The following TRMT44 variants were observed in gnomAD, a reference collection of about 807,000 sequenced individuals.
The protein encoded by TRMT44 is tRNA methyltransferase 44 homolog, also known as probable tRNA (uracil-O(2)-)-methyltransferase.
TRMT44 carries 78 observed loss-of-function variants against 77.3 expected under a neutral mutation model. The observed-to-expected ratio is 1.01, with a 90% CI of 0.84 to 1.22. The LOEUF is 1.22. Among genes scored for constraint, TRMT44 ranks in the 50% most tolerant of loss-of-function variants. The pLI, the probability that TRMT44 is intolerant of heterozygous loss-of-function variation, is 0.00. For synonymous variants in TRMT44, 391 were observed against 383.3 expected (o/e 1.02, Z -0.23); for missense variants, 1,090 against 964.4 (o/e 1.13, Z -1.73).
rs139886813 is a variant in TRMT44, at chr4:8,445,814, G to GT, written c.620-661dup. ...GTTGTGCATATTTGGCCTGTGAAGT[G>GT]TATATTCCTCTTTAACAGAGTTTGC... On this transcript the variant is annotated intron_variant, in intron 1 of 10. Coordinates refer to ENST00000389737, the MANE Select transcript of TRMT44 (RefSeq NM_152544.3). Among the ~76,000 whole-genome samples, 455 of 152,284 alleles carry GT rather than the reference G, an allele frequency of 3.0e-3. 2 individuals carry two copies. Among genetic ancestry groups the GT allele is most frequent in the South Asian group, 0.016 (76 of 4,820 alleles).
chr4:8,472,033 C>G (rs1368716211), intron 10 of TRMT44, among the ~76,000 whole-genome samples: 1 of 145,226 alleles, frequency 6.9e-6, no homozygotes, highest in African/African-American at 2.6e-5. Context: ...TTTCCTCTTT[C>G]TGTAAGTATT....
chr4:8,460,472 C>T (rs58250358), intron 6 of TRMT44, among the ~76,000 whole-genome samples: 10,124 of 152,154 alleles, frequency 0.067, 657 homozygotes, highest in African/African-American at 0.17. Flanking sequence ...TATTTTGAAA[C>T]AAATCTCAGG....
intron 6 of TRMT44, among the ~76,000 whole-genome samples, chr4:8,459,203 C>T (rs1726000984): frequency 6.6e-6 from 1 of 152,102 alleles, no homozygotes; most frequent in Non-Finnish European, 1.5e-5. Context: ...ACTCTGTCTC[C>T]AAAAGTTATA....
chr4:8,493,792 C>A (rs62287433), downstream of TRMT44, among the ~76,000 whole-genome samples: 4,163 of 152,056 alleles, frequency 0.027, 71 homozygotes, highest in South Asian at 0.04. Flanking sequence ...TCGCTTTGTC[C>A]TTGCTCATCA....
intron 1 of TRMT44, 44 bp downstream of exon 1, chr4:8,441,485 G>A (rs1390406187): frequency 1.4e-6 from 2 of 1,441,794 alleles, no homozygotes; most frequent in African/African-American, 1.4e-5. Context: ...AGATAAAAAA[G>A]CATTCATAGA....
At chr4:8,464,346 G>C (rs904841842) in intron 7 of TRMT44, among the ~76,000 whole-genome samples, 4 of 152,142 alleles carry the variant, frequency 2.6e-5, no homozygotes, top group African/African-American at 9.7e-5. Flanking sequence ...TTATATCTCT[G>C]TTGGCCAGCA....
At chr4:8,450,646 T>TG (rs34928606) in intron 3 of TRMT44, among the ~76,000 whole-genome samples, 2 of 152,172 alleles carry the variant, frequency 1.3e-5, no homozygotes, top group African/African-American at 4.8e-5. Context: ...GACCCCGAAT[T>TG]GGGGGCGGGT....
At chr4:8,450,792 G>GTTTTTTTTTTTT (rs59875098) in intron 3 of TRMT44, among the ~76,000 whole-genome samples, 1 of 96,674 alleles carries the variant, frequency 1.0e-5, no homozygotes, top group Admixed American at 1.3e-4. Flanking sequence ...TCATTTCCAT[G>GTTTTTTTTTTTT]TTTTTTTTTT....
Position 8,446,735 on chromosome 4 carries a change from C to A in TRMT44, c.734+145C>A. ...AGGAATGCAGTTGCTAGCTTATGTG[C>A]CCAGGCCATGTTGCTCTTCCTGTTG... On this transcript the variant is annotated intron_variant, in intron 2 of 10. Transcript: ENST00000389737. The surrounding 1 kb of genome is among the most constrained non-coding windows in gnomAD (Gnocchi z 4.3). 1.7e-6 allele frequency: 1 copy of A among 583,890 alleles called. No homozygotes were observed. The highest frequency in any genetic ancestry group is 2.9e-6 in the Non-Finnish European group (1 of 339,238). The allele number at this position is 583,890 out of a possible 1,614,324, so 36.2% of individuals were successfully genotyped here.
intron 3 of TRMT44, 86 bp downstream of exon 3, chr4:8,449,974 T>C (rs1462558047): frequency 4.1e-6 from 3 of 725,716 alleles, no homozygotes; most frequent in Non-Finnish European, 6.0e-6. Context: ...TTTTTTTTTT[T>C]GCGACAGTCT....
At chr4:8,490,105 G>A (rs545370124) in intron 2 of TRMT44, among the ~76,000 whole-genome samples, 20 of 152,226 alleles carry the variant, frequency 1.3e-4, no homozygotes, top group African/African-American at 4.6e-4. Context: ...GGACAGCTTT[G>A]ATCCTGTGTG....
At chr4:8,502,926 C>G in the TRMT44 span, among the ~76,000 whole-genome samples, 2 of 152,242 alleles carry the variant, frequency 1.3e-5, no homozygotes, top group South Asian at 2.1e-4. Context: ...ACCACTTCTT[C>G]TTCACCCTTG....
At chr4:8,475,303 C>T (rs1466988924) in intron 10 of TRMT44, among the ~76,000 whole-genome samples, 1 of 152,236 alleles carries the variant, frequency 6.6e-6, no homozygotes, top group African/African-American at 2.4e-5. Context: ...CGTGGTCCCT[C>T]CTTCCTCCAC....
At chr4:8,450,764 A>G (rs373381366) in intron 3 of TRMT44, among the ~76,000 whole-genome samples, 21 of 146,458 alleles carry the variant, frequency 1.4e-4, no homozygotes, top group African/African-American at 5.3e-4. Context: ...TCCCCGTCCT[A>G]GGAGTAACCA....
At chr4:8,479,467 C>T (rs1228267043), downstream of TRMT44, 4 of 152,134 alleles carry the variant, frequency 2.6e-5, no homozygotes, top group African/African-American at 9.7e-5. Flanking sequence ...TGGCCTGTTG[C>T]TTCTGGACCA....
intron 6 of TRMT44, among the ~76,000 whole-genome samples, chr4:8,458,575 C>T (rs530406095): frequency 2.6e-5 from 4 of 150,992 alleles, no homozygotes; most frequent in African/African-American, 9.7e-5. Flanking sequence ...GCAGTTCAGC[C>T]TCTCGAGTAG....
the TRMT44 span, among the ~76,000 whole-genome samples, chr4:8,504,065 T>C: frequency 6.6e-6 from 1 of 152,050 alleles, no homozygotes; most frequent in Non-Finnish European, 1.5e-5. This position sits in a 1 kb window ranked among gnomAD's most constrained non-coding sequence, Gnocchi z 5.3. Context: ...CCCTCCAGCC[T>C]CTGAGCCTCT....
At chr4:8,474,568 G>A (rs1354803275) in intron 10 of TRMT44, among the ~76,000 whole-genome samples, 1 of 152,228 alleles carries the variant, frequency 6.6e-6, no homozygotes, top group Admixed American at 6.5e-5. Flanking sequence ...AAAGCACACA[G>A]GCTCGTTATT....
At chr4:8,463,083 T>C (rs191520189) in intron 6 of TRMT44, among the ~76,000 whole-genome samples, 20 of 152,352 alleles carry the variant, frequency 1.3e-4, no homozygotes, top group Admixed American at 3.3e-4. Flanking sequence ...TGTGTTATAG[T>C]TTTGCTGTTA....
Sources: allele counts gnomAD v4.1 joint callset (sites outside exome capture counted in the v4.1 genomes callset), GRCh38; gene constraint gnomAD v4.1.1; non-coding constraint Gnocchi (gnomAD v3.1); transcripts MANE v1.5; gene names NCBI Gene and HGNC (gene_info 2026-07-23, HGNC 2026-07-21).